Variants in SEMA3C observed in about 807,000 individuals in gnomAD.
The protein encoded by SEMA3C is semaphorin-3C.
In SEMA3C, 47 loss-of-function variants were observed where a neutral mutation model predicts 89.4. The ratio of observed to expected loss-of-function variants is 0.53; its 90% CI spans 0.42 to 0.67. The LOEUF is 0.67. Ranked by LOEUF, SEMA3C falls within the 30% of genes least tolerant of loss-of-function variation. The pLI, the probability that SEMA3C is intolerant of heterozygous loss-of-function variation, is 0.00. For missense variants in SEMA3C, 839 were observed against 929.1 expected (o/e 0.90, Z 1.26); for synonymous variants, 310 against 320.2 (o/e 0.97, Z 0.34).
intron 2 of SEMA3C, among the ~76,000 whole-genome samples, chr7:80,868,510 C>G (rs1224396376): frequency 6.6e-6 from 1 of 152,096 alleles, no homozygotes; most frequent in Non-Finnish European, 1.5e-5. Context: ...CTCAAGTGAT[C>G]CGCCTGCCTC....
In SEMA3C at chr7:80,804,138, G is replaced by C. The variant is rs775904493; in HGVS notation, c.769C>G (p.Gln257Glu). 3 of 1,612,484 alleles carry C rather than the reference G, an allele frequency of 1.9e-6. No homozygotes were observed. The highest frequency in any genetic ancestry group is 2.5e-6 in the Non-Finnish European group (3 of 1,179,050). ...ATTCGAGCAATCATGGAATGAATCT[G>C]TTTCGTGCTCCTGTTATTGTCAGTC... ...KLTDNNRSTK[Q>E]IHSMIARICP... Residue 257 changes from glutamine to glutamate, a missense_variant, in exon 8 of 18, where the codon CAG (glutamine) becomes GAG (glutamate). Coordinates refer to ENST00000265361, the MANE Select transcript of SEMA3C (RefSeq NM_006379.5).
intron 2 of SEMA3C, among the ~76,000 whole-genome samples, chr7:80,890,840 T>C (rs904151052): frequency 4.6e-5 from 7 of 152,210 alleles, no homozygotes; most frequent in African/African-American, 9.6e-5. Context: ...TGATGCATCA[T>C]CTGGCTACAA....
At chr7:80,835,863 G>A (rs1042615055) in intron 2 of SEMA3C, among the ~76,000 whole-genome samples, 1 of 152,104 alleles carries the variant, frequency 6.6e-6, no homozygotes, top group East Asian at 1.9e-4. Flanking sequence ...TTAAAATTGA[G>A]CAAATTTGAG....
upstream of SEMA3C, chr7:80,919,146 G>A: frequency 2.0e-6 from 2 of 984,648 alleles, no homozygotes; most frequent in Non-Finnish European, 2.4e-6. Context: ...GCGCCGCCCT[G>A]CAGGCTCGCA....
At position 80,848,478 on chromosome 7, in the gene SEMA3C, ATGC is replaced by A. The variant is rs142816360; in HGVS notation, c.104-19736_104-19734del. On this transcript the variant is annotated intron_variant, in intron 2 of 17. Coordinates refer to ENST00000265361, the MANE Select transcript of SEMA3C (RefSeq NM_006379.5). ...AACTTGACCACCTTCATGCCTACAT[ATGC>A]TGGACATTGAATAACACTGAAGGTC... is the stretch of plus-strand genomic sequence containing the variant. Among the ~76,000 whole-genome samples, 539 of 152,310 alleles carry A rather than the reference ATGC, an allele frequency of 3.5e-3. 10 individuals are homozygous for A. Among genetic ancestry groups the A allele is most frequent in the East Asian group, 0.035 (180 of 5,164 alleles).
At chr7:80,846,151 T>C (rs1030272363) in intron 2 of SEMA3C, among the ~76,000 whole-genome samples, 3 of 152,184 alleles carry the variant, frequency 2.0e-5, no homozygotes, top group Non-Finnish European at 4.4e-5. Flanking sequence ...GAAAATTTCA[T>C]GCCTACAAAT....
At chr7:80,774,577 T>C (rs1326940664) in intron 12 of SEMA3C, among the ~76,000 whole-genome samples, 1 of 151,920 alleles carries the variant, frequency 6.6e-6, no homozygotes, top group Non-Finnish European at 1.5e-5. Context: ...AGAAATAAAA[T>C]ATTAACTCCA....
intron 12 of SEMA3C, among the ~76,000 whole-genome samples, chr7:80,788,669 T>C (rs1423721387): frequency 1.3e-5 from 2 of 152,182 alleles, no homozygotes; most frequent in Non-Finnish European, 2.9e-5. Flanking sequence ...ATAGAATTTG[T>C]AGATGTATTA....
At chr7:80,807,816 C>A (rs192435351) in intron 6 of SEMA3C, among the ~76,000 whole-genome samples, 1 of 151,998 alleles carries the variant, frequency 6.6e-6, no homozygotes, top group Non-Finnish European at 1.5e-5. Flanking sequence ...TAGCACACTG[C>A]GCTTGAATGG....
At chr7:80,857,080 A>G (rs1238418809) in intron 2 of SEMA3C, among the ~76,000 whole-genome samples, 1 of 152,024 alleles carries the variant, frequency 6.6e-6, no homozygotes, top group East Asian at 1.9e-4. Context: ...AACCTCACAA[A>G]TTTCATCACC....
At chr7:80,863,762 A>T (rs1383145123) in intron 2 of SEMA3C, among the ~76,000 whole-genome samples, 1 of 131,582 alleles carries the variant, frequency 7.6e-6, no homozygotes, top group Non-Finnish European at 1.6e-5. Context: ...TCATATATAT[A>T]GTAGTATTCC....
At chr7:80,838,040 T>C (rs1790174006) in intron 2 of SEMA3C, among the ~76,000 whole-genome samples, 1 of 152,134 alleles carries the variant, frequency 6.6e-6, no homozygotes, top group Non-Finnish European at 1.5e-5. Flanking sequence ...TTAATCATGG[T>C]GAATTAAAAA....
At chr7:80,772,141 T>C (rs1788447712) in intron 12 of SEMA3C, among the ~76,000 whole-genome samples, 1 of 152,002 alleles carries the variant, frequency 6.6e-6, no homozygotes, top group South Asian at 2.1e-4. Flanking sequence ...ATGAGGGAGG[T>C]ATGACTAGAC....
At chr7:80,875,916 C>G (rs778892933) in intron 2 of SEMA3C, among the ~76,000 whole-genome samples, 6 of 151,874 alleles carry the variant, frequency 4.0e-5, no homozygotes, top group Non-Finnish European at 8.8e-5. Flanking sequence ...AAGAACACAT[C>G]TTCTATCGGT....
In SEMA3C at chr7:80,814,936, C is replaced by T. The variant is rs375907880; in HGVS notation, c.447+3363G>A. ...TCTCCTACAACTTTTCCACCCCCCA[C>T]GCACCGTGCCACAAATCATCTGTTA... On this transcript the variant is annotated intron_variant, in intron 5 of 17. Transcript: ENST00000265361. Among the ~76,000 whole-genome samples the T allele has an allele frequency of 1.3e-3, 205 of 152,258 alleles. 1 individual carries two copies. The highest frequency in any genetic ancestry group is 4.3e-3 in the African/African-American group (179 of 41,552).
intron 14 of SEMA3C, among the ~76,000 whole-genome samples, chr7:80,758,819 T>C (rs1788124140): frequency 6.6e-6 from 1 of 152,202 alleles, no homozygotes; most frequent in South Asian, 2.1e-4. Flanking sequence ...CTTTGAATGC[T>C]GTATCTTAGC....
rs1487729330 is a variant in SEMA3C, at chr7:80,911,800, A to AT, written c.103+4878dup. On this transcript the variant is annotated intron_variant, in intron 2 of 17. Transcript: ENST00000265361. ...AGGTGGCCACCACCATGCCTGGCTA[A>AT]TTTTTTGTATTTTTAGTAGAGACGG... 5.3e-5 allele frequency among the ~76,000 whole-genome samples: 8 copies of AT among 151,968 alleles called. No homozygotes were observed. In the South Asian group the frequency reaches 1.5e-3, roughly 28 times the overall value.
intron 16 of SEMA3C, 107 bp downstream of exon 16, chr7:80,751,162 T>C: frequency 1.2e-6 from 1 of 865,098 alleles, no homozygotes; most frequent in Non-Finnish European, 1.8e-6. Context: ...TAATAAATAT[T>C]TTTGAAAGTG....
intron 2 of SEMA3C, among the ~76,000 whole-genome samples, chr7:80,912,778 G>T (rs1202847798): frequency 6.6e-6 from 1 of 152,222 alleles, no homozygotes; most frequent in South Asian, 2.1e-4. Flanking sequence ...GATTAACGGA[G>T]AAATCAAGAA....
Sources: gnomAD v4.1 joint callset for allele counts (sites outside exome capture counted in the v4.1 genomes callset) on GRCh38, gnomAD v4.1.1 for gene constraint, MANE v1.5 for transcripts, NCBI Gene and HGNC (gene_info 2026-07-23, HGNC 2026-07-21) for gene names.